Variants in FSTL5 observed in about 807,000 individuals in gnomAD.
FSTL5 encodes follistatin-related protein 5.
FSTL5 carries 62 observed loss-of-function variants against 89.1 expected under a neutral mutation model. That is an observed-to-expected ratio of 0.70 (90% CI 0.57 to 0.86). The LOEUF is 0.86. FSTL5 is among the 40% of genes least tolerant of loss of function. FSTL5 has a pLI of 0.00. For missense variants in FSTL5, 1,057 were observed against 1,001.6 expected (o/e 1.06, Z -0.75); for synonymous variants, 383 against 346.2 (o/e 1.11, Z -1.18).
chr4:161,962,102 G>A (rs1014705536), intron 3 of FSTL5, among the ~76,000 whole-genome samples: 3 of 151,684 alleles, frequency 2.0e-5, no homozygotes, highest in South Asian at 2.1e-4. Flanking sequence ...TGACTCCCAA[G>A]CACTTGCAGG....
chr4:161,918,777 T>G (rs1004259873), intron 4 of FSTL5, among the ~76,000 whole-genome samples: 4 of 151,968 alleles, frequency 2.6e-5, no homozygotes, highest in Non-Finnish European at 5.9e-5. Flanking sequence ...CCCGAGTGGC[T>G]GGGATAGAGG....
At chr4:161,809,001 G>A (rs558736393) in intron 4 of FSTL5, among the ~76,000 whole-genome samples, 55 of 152,204 alleles carry the variant, frequency 3.6e-4, no homozygotes, top group African/African-American at 1.3e-3. Flanking sequence ...GGCAGATCAC[G>A]AGGTCAGAAG....
intron 4 of FSTL5, among the ~76,000 whole-genome samples, chr4:161,820,602 G>A (rs1730459704): frequency 6.6e-6 from 1 of 152,170 alleles, no homozygotes; most frequent in Admixed American, 6.5e-5. Context: ...AAAATTAGCA[G>A]TAGTGATGCG....
At chr4:161,713,230 AC>A (rs1738858840) in intron 6 of FSTL5, among the ~76,000 whole-genome samples, 1 of 152,206 alleles carries the variant, frequency 6.6e-6, no homozygotes, top group Non-Finnish European at 1.5e-5. Context: ...AGCATGACAG[AC>A]TAACAAAATA....
intron 1 of FSTL5, among the ~76,000 whole-genome samples, chr4:162,120,013 G>A (rs541025267): frequency 1.7e-4 from 26 of 152,066 alleles, no homozygotes; most frequent in Admixed American, 6.5e-4. Flanking sequence ...TAAATAAAAA[G>A]AATTAAGACC....
At chr4:161,422,110 A>G (rs1439974968) in intron 15 of FSTL5, among the ~76,000 whole-genome samples, 1 of 148,540 alleles carries the variant, frequency 6.7e-6, no homozygotes, top group African/African-American at 2.4e-5. Flanking sequence ...TGTATATTAT[A>G]TAGGTCATAA....
intron 1 of FSTL5, among the ~76,000 whole-genome samples, chr4:162,134,733 C>A (rs1246397804): frequency 6.6e-6 from 1 of 152,164 alleles, no homozygotes; most frequent in Non-Finnish European, 1.5e-5. Context: ...AGAATGGAAT[C>A]ATGGCTGCTG....
intron 6 of FSTL5, among the ~76,000 whole-genome samples, chr4:161,706,501 A>T (rs1444461143): frequency 6.6e-6 from 1 of 152,058 alleles, no homozygotes; most frequent in African/African-American, 2.4e-5. Flanking sequence ...ACTGGAAACT[A>T]AATGTCCTAT....
chr4:161,459,328 A>C lies in FSTL5; in HGVS notation c.1609-9T>G. ...GGGTCTGTGCTCACTGCCTACAATAAAGAAGAATTGAAAAAAATGTTTTAG... is the reference window on the plus strand; with the variant it reads ...GGGTCTGTGCTCACTGCCTACAATACAGAAGAATTGAAAAAAATGTTTTAG... On this transcript the variant is annotated splice_polypyrimidine_tract_variant and intron_variant, in intron 13 of 15. Coordinates refer to ENST00000306100, the MANE Select transcript of FSTL5 (RefSeq NM_020116.5). 6.4e-7 allele frequency: 1 copy of C among 1,572,268 alleles called. No homozygotes were observed.
At chr4:161,936,238 C>T (rs1872067) in intron 3 of FSTL5, among the ~76,000 whole-genome samples, 1 of 152,182 alleles carries the variant, frequency 6.6e-6, no homozygotes, top group Admixed American at 6.5e-5. Flanking sequence ...AATGAAAGTT[C>T]TTTTGCATAT....
At chr4:162,028,794 A>G (rs926423270) in intron 3 of FSTL5, among the ~76,000 whole-genome samples, 1 of 152,156 alleles carries the variant, frequency 6.6e-6, no homozygotes, top group African/African-American at 2.4e-5. Context: ...CATTTTAATC[A>G]GTCAATGTAA....
intron 13 of FSTL5, among the ~76,000 whole-genome samples, chr4:161,472,487 C>A (rs1313650081): frequency 2.6e-5 from 4 of 151,794 alleles, no homozygotes; most frequent in African/African-American, 9.7e-5. Context: ...ATTTATCATT[C>A]TAAATTCCAC....
rs187683043 is a variant in FSTL5, at chr4:161,425,694, G to C, written c.1841+29310C>G. Among the ~76,000 whole-genome samples the C allele has an allele frequency of 1.4e-3, 211 of 152,278 alleles. 1 individual carries two copies. Among genetic ancestry groups the C allele is most frequent in the African/African-American group, 4.8e-3 (201 of 41,562 alleles). Reference sequence around the variant, plus strand: ...TCTGAGGCAATCTTAAGACCCTGGAGTTTGCTTTGGAGCTGGAGTGACTTT... The same window carrying C: ...TCTGAGGCAATCTTAAGACCCTGGACTTTGCTTTGGAGCTGGAGTGACTTT... On this transcript the variant is annotated intron_variant, in intron 15 of 15. Transcript: ENST00000306100.
chr4:161,502,939 T>C (rs1339952516), intron 11 of FSTL5, among the ~76,000 whole-genome samples: 1 of 151,700 alleles, frequency 6.6e-6, no homozygotes, highest in Non-Finnish European at 1.5e-5. Context: ...AATATATTTG[T>C]ATAGATTTTT....
At chr4:161,971,601 C>A (rs1216150192) in intron 3 of FSTL5, among the ~76,000 whole-genome samples, 3 of 151,888 alleles carry the variant, frequency 2.0e-5, no homozygotes, top group African/African-American at 7.3e-5. Context: ...CTAAACATTC[C>A]TGGGTAAAAT....
intron 15 of FSTL5, among the ~76,000 whole-genome samples, chr4:161,453,814 G>A (rs898190998): frequency 6.6e-6 from 1 of 151,964 alleles, no homozygotes; most frequent in African/African-American, 2.4e-5. Flanking sequence ...GGCTGGTTTC[G>A]AACTCCTGTA....
intron 6 of FSTL5, among the ~76,000 whole-genome samples, chr4:161,658,757 T>A (rs1736607427): frequency 6.6e-6 from 1 of 152,220 alleles, no homozygotes; most frequent in Admixed American, 6.5e-5. Context: ...AGTAATGGCA[T>A]CATGTACAGT....
chr4:161,557,301 A>AT (rs1227677135), intron 8 of FSTL5, among the ~76,000 whole-genome samples: 3 of 150,938 alleles, frequency 2.0e-5, no homozygotes, highest in Non-Finnish European at 4.5e-5. Context: ...AATTTATGTA[A>AT]TTTTTCCTCA....
chr4:162,085,489 C>T (rs974781233), intron 2 of FSTL5, among the ~76,000 whole-genome samples: 1 of 150,908 alleles, frequency 6.6e-6, no homozygotes, highest in Non-Finnish European at 1.5e-5. Flanking sequence ...TTATCAGTTG[C>T]TACAATTATC....
Sources: gnomAD v4.1 joint callset for allele counts (sites outside exome capture counted in the v4.1 genomes callset) on GRCh38, gnomAD v4.1.1 for gene constraint, MANE v1.5 for transcripts, NCBI Gene and HGNC (gene_info 2026-07-23, HGNC 2026-07-21) for gene names.